The following LOC400499 variants were observed in gnomAD, a reference collection of about 807,000 sequenced individuals.
chr16:11,391,843 G>C, the LOC400499 span: 3 of 1,231,812 alleles, frequency 2.4e-6, no homozygotes, highest in Non-Finnish European at 3.0e-6. Flanking sequence ...ACGCCGTCCA[G>C]GGTGCCTGCC....
the LOC400499 span, among the ~76,000 whole-genome samples, chr16:11,518,509 C>A: frequency 4.3e-3 from 648 of 152,180 alleles, 3 homozygotes; most frequent in African/African-American, 0.014. Context: ...TAGCCGGAGT[C>A]TTCCAGAACA....
At chr16:11,383,003 C>T in the LOC400499 span, among the ~76,000 whole-genome samples, 1 of 152,072 alleles carries the variant, frequency 6.6e-6, no homozygotes, top group East Asian at 1.9e-4. Flanking sequence ...TGCTTGGCTT[C>T]TGGGAGGCCT....
the LOC400499 span, among the ~76,000 whole-genome samples, chr16:11,476,347 G>A: frequency 7.9e-5 from 12 of 152,018 alleles, no homozygotes; most frequent in Admixed American, 4.6e-4. Flanking sequence ...TGCCCCAGAG[G>A]GACTCCAGGA....
chr16:11,430,611 T>G, the LOC400499 span, among the ~76,000 whole-genome samples: 2 of 152,118 alleles, frequency 1.3e-5, no homozygotes, highest in Non-Finnish European at 2.9e-5. Flanking sequence ...ATAAGGGAAA[T>G]GTAAAATGTT....
the LOC400499 span, among the ~76,000 whole-genome samples, chr16:11,500,236 G>C: frequency 6.6e-6 from 1 of 152,124 alleles, no homozygotes; most frequent in African/African-American, 2.4e-5. Flanking sequence ...AGTCGGGCGT[G>C]GTGGCTCACA....
chr16:11,494,524 G>A, the LOC400499 span: 3 of 386,396 alleles, frequency 7.8e-6, no homozygotes, highest in African/African-American at 2.1e-5. Flanking sequence ...GATTCGCTTC[G>A]GCCCCACTGG....
chr16:11,494,309 C>A, the LOC400499 span, among the ~76,000 whole-genome samples: 8 of 148,558 alleles, frequency 5.4e-5, no homozygotes, highest in African/African-American at 1.5e-4. Flanking sequence ...TCAGCCCATT[C>A]CCCCTTCCCC....
At chr16:11,408,430 CT>C in the LOC400499 span, among the ~76,000 whole-genome samples, 5 of 150,024 alleles carry the variant, frequency 3.3e-5, no homozygotes, top group East Asian at 9.7e-4. Flanking sequence ...TTCCTGGACA[CT>C]TCAAAATTGT....
the LOC400499 span, among the ~76,000 whole-genome samples, chr16:11,495,669 C>T: frequency 5.9e-5 from 9 of 152,168 alleles, no homozygotes; most frequent in Admixed American, 1.3e-4. Context: ...CATGAGCCAC[C>T]GTGCCTAGTC....
At chr16:11,500,669 G>T in the LOC400499 span, 1 of 396,812 alleles carries the variant, frequency 2.5e-6, no homozygotes, top group Admixed American at 4.4e-5. Flanking sequence ...AGCCCAGGAG[G>T]ATGGGTGGTC....
chr16:11,474,702 A>G, the LOC400499 span, among the ~76,000 whole-genome samples: 68 of 95,778 alleles, frequency 7.1e-4, no homozygotes, highest in Non-Finnish European at 1.1e-3. Context: ...TCTACAAAAT[A>G]CAAAAAAAAA....
chr16:11,427,304 C>T, the LOC400499 span, among the ~76,000 whole-genome samples: 597 of 138,032 alleles, frequency 4.3e-3, 3 homozygotes, highest in African/African-American at 0.015. Flanking sequence ...GCTGAGATGG[C>T]GCCATTGCAC....
the LOC400499 span, among the ~76,000 whole-genome samples, chr16:11,458,032 G>T: frequency 6.6e-6 from 1 of 151,768 alleles, no homozygotes; most frequent in African/African-American, 2.4e-5. Context: ...TAAAACCCCT[G>T]TCTCTACGAA....
At chr16:11,391,260 C>T in the LOC400499 span, among the ~76,000 whole-genome samples, 26 of 151,994 alleles carry the variant, frequency 1.7e-4, no homozygotes, top group South Asian at 1.2e-3. Flanking sequence ...AGTCCTGCCA[C>T]GAGGCTGGTT....
chr16:11,406,019 TAA>T, the LOC400499 span, among the ~76,000 whole-genome samples: 1 of 152,316 alleles, frequency 6.6e-6, no homozygotes, highest in Non-Finnish European at 1.5e-5. Context: ...ATACTCTTTT[TAA>T]AAAATGTATT....
chr16:11,503,360 T>C, the LOC400499 span, among the ~76,000 whole-genome samples: 3 of 152,158 alleles, frequency 2.0e-5, no homozygotes, highest in African/African-American at 7.2e-5. Flanking sequence ...GTTTAGGAGA[T>C]GTTTAGTTTG....
the LOC400499 span, chr16:11,430,914 T>C: frequency 2.5e-6 from 1 of 397,552 alleles, no homozygotes; most frequent in South Asian, 1.4e-4. Flanking sequence ...TCTAAACCTG[T>C]AGATATGCCA....
At chr16:11,473,389 C>T in the LOC400499 span, among the ~76,000 whole-genome samples, 1 of 151,348 alleles carries the variant, frequency 6.6e-6, no homozygotes, top group East Asian at 1.9e-4. Context: ...TATTATTTGG[C>T]ACATTTATTT....
chr16:11,393,940 T>G, the LOC400499 span, among the ~76,000 whole-genome samples: 5 of 152,104 alleles, frequency 3.3e-5, no homozygotes, highest in South Asian at 2.1e-4. Context: ...TTAGCCAGTC[T>G]CATGACAAAT....
Sources: gnomAD v4.1 joint callset for allele counts (sites outside exome capture counted in the v4.1 genomes callset) on GRCh38, gnomAD v4.1.1 for gene constraint, MANE v1.5 for transcripts.